The following PRKD1 variants were observed in gnomAD, a reference collection of about 807,000 sequenced individuals.
PRKD1 encodes protein kinase D1.
In PRKD1, 63 loss-of-function variants were observed where a neutral mutation model predicts 95.9. The ratio of observed to expected loss-of-function variants is 0.66; its 90% CI spans 0.54 to 0.81. PRKD1 has a LOEUF of 0.81. Among genes scored for constraint, PRKD1 ranks in the 30% least tolerant of loss-of-function variants. The pLI, the probability that PRKD1 is intolerant of heterozygous loss-of-function variation, is 0.00. For synonymous variants in PRKD1, 425 were observed against 423.1 expected (o/e 1.00, Z -0.05); for missense variants, 1,048 against 1,165.3 (o/e 0.90, Z 1.47).
At chr14:29,608,165 CT>C (rs1195582576) in intron 13 of PRKD1, among the ~76,000 whole-genome samples, 6 of 152,036 alleles carry the variant, frequency 3.9e-5, no homozygotes, top group African/African-American at 1.4e-4. Context: ...TCACACCTTG[CT>C]TTTTTTCTTT....
intron 1 of PRKD1, among the ~76,000 whole-genome samples, chr14:29,919,692 G>C (rs957841656): frequency 3.4e-5 from 5 of 145,736 alleles, no homozygotes; most frequent in Middle Eastern, 3.4e-3. Context: ...GCTGAGCGCA[G>C]TGGCTCATAC....
intron 13 of PRKD1, among the ~76,000 whole-genome samples, chr14:29,620,196 C>T (rs1335656838): frequency 2.3e-4 from 35 of 149,860 alleles, no homozygotes; most frequent in African/African-American, 6.8e-4. Flanking sequence ...AAGACTTAAA[C>T]GTTAGACCTA....
intron 1 of PRKD1, among the ~76,000 whole-genome samples, chr14:29,818,488 C>T (rs1475420395): frequency 6.6e-6 from 1 of 151,780 alleles, no homozygotes; most frequent in Admixed American, 6.6e-5. Context: ...TGTGCACTTT[C>T]CTCAAAATAA....
intron 4 of PRKD1, among the ~76,000 whole-genome samples, chr14:29,647,375 CA>C (rs1881192683): frequency 1.3e-5 from 2 of 152,090 alleles, no homozygotes; most frequent in Admixed American, 1.3e-4. Context: ...CAGAACTGTT[CA>C]AAAATTGTTG....
rs924940009 is a variant in PRKD1, at chr14:29,913,058, G to C, written c.264+14191C>G. Among the ~76,000 whole-genome samples, 4 of 152,346 alleles carry C rather than the reference G, an allele frequency of 2.6e-5. No homozygotes were observed. In the East Asian group the frequency reaches 7.7e-4, roughly 29 times the overall value. ...AACTACTTTATATATTACATTCAAAGTGAGACTAAGCAATTAGCTTACGAA... is the reference window on the plus strand; with the variant it reads ...AACTACTTTATATATTACATTCAAACTGAGACTAAGCAATTAGCTTACGAA... On this transcript the variant is annotated intron_variant, in intron 1 of 17. Coordinates refer to ENST00000331968, the MANE Select transcript of PRKD1 (RefSeq NM_002742.3).
chr14:29,744,645 C>G (rs1431154318), intron 1 of PRKD1, among the ~76,000 whole-genome samples: 1 of 152,152 alleles, frequency 6.6e-6, no homozygotes, highest in African/African-American at 2.4e-5. Flanking sequence ...CTCCCGGGTT[C>G]AAGTGATTAT....
Position 29,624,389 on chromosome 14 carries a change from C to G in PRKD1, c.1799-131G>C, listed in dbSNP as rs952769149. On this transcript the variant is annotated intron_variant, in intron 12 of 17. Transcript: ENST00000331968. ...TGAATAAATTAACATTTCTAAAGAG[C>G]ACTGACTTACATATATATATATAAA... is the stretch of plus-strand genomic sequence containing the variant. 7.9e-6 allele frequency: 4 copies of G among 505,354 alleles called. No individual in the cohort carries two copies. In the Admixed American group the frequency reaches 1.1e-4, roughly 14 times the overall value. The allele number at this position is 505,354 out of a possible 1,614,324, so 31.3% of individuals were successfully genotyped here.
chr14:29,738,148 CAAGTT>C (rs1886813683), intron 1 of PRKD1, among the ~76,000 whole-genome samples: 1 of 152,112 alleles, frequency 6.6e-6, no homozygotes, highest in Non-Finnish European at 1.5e-5. Context: ...GAAATTTCTT[CAAGTT>C]TGGGTACAGG....
At chr14:29,893,692 G>T (rs560231158) in intron 1 of PRKD1, among the ~76,000 whole-genome samples, 1 of 152,020 alleles carries the variant, frequency 6.6e-6, no homozygotes, top group African/African-American at 2.4e-5. Flanking sequence ...CCATAATATC[G>T]CTAGCCTTAT....
chr14:29,892,924 A>G (rs1181181241), intron 1 of PRKD1, among the ~76,000 whole-genome samples: 1 of 152,208 alleles, frequency 6.6e-6, no homozygotes, highest in African/African-American at 2.4e-5. Context: ...TGGAATTGAA[A>G]TACCATTAAA....
chr14:29,626,407 T>C, intron 12 of PRKD1, 77 bp downstream of exon 12: 3 of 1,181,668 alleles, frequency 2.5e-6, no homozygotes, highest in Non-Finnish European at 3.7e-6. Flanking sequence ...TTCTATGTTT[T>C]TCCTGTAAAT....
intron 9 of PRKD1, among the ~76,000 whole-genome samples, chr14:29,632,052 C>T (rs1209384996): frequency 1.3e-5 from 2 of 151,988 alleles, no homozygotes; most frequent in African/African-American, 4.8e-5. Context: ...CCACCTGCCT[C>T]GGCCTCCCAA....
intron 1 of PRKD1, among the ~76,000 whole-genome samples, chr14:29,916,667 T>C (rs1566670532): frequency 6.6e-6 from 1 of 152,156 alleles, no homozygotes; most frequent in Non-Finnish European, 1.5e-5. Flanking sequence ...ATTTCCATAT[T>C]AGAGACACAG....
At chr14:29,641,614 T>C (rs897793613) in intron 4 of PRKD1, among the ~76,000 whole-genome samples, 2 of 152,182 alleles carry the variant, frequency 1.3e-5, no homozygotes, top group Non-Finnish European at 2.9e-5. Context: ...CATTTGCATG[T>C]GCTTTCCCTA....
At chr14:29,740,055 A>C (rs149743228) in intron 1 of PRKD1, among the ~76,000 whole-genome samples, 1 of 152,316 alleles carries the variant, frequency 6.6e-6, no homozygotes, top group Admixed American at 6.5e-5. Flanking sequence ...TTGTTGTGTA[A>C]AAACATATTA....
chr14:29,604,011 A>C (rs2139026782), intron 13 of PRKD1, among the ~76,000 whole-genome samples: 1 of 152,292 alleles, frequency 6.6e-6, no homozygotes, highest in Non-Finnish European at 1.5e-5. Flanking sequence ...ATCAAGACAA[A>C]AACTCTCCTG....
At chr14:29,651,455 T>G (rs2139177271) in intron 4 of PRKD1, among the ~76,000 whole-genome samples, 1 of 152,350 alleles carries the variant, frequency 6.6e-6, no homozygotes, top group Middle Eastern at 3.4e-3. Flanking sequence ...GGAATTCATC[T>G]GATTAGATTA....
intron 1 of PRKD1, among the ~76,000 whole-genome samples, chr14:29,885,386 T>C (rs1419212210): frequency 6.6e-6 from 1 of 152,144 alleles, no homozygotes; most frequent in Non-Finnish European, 1.5e-5. Flanking sequence ...GCAATTCTTT[T>C]GACATTTACG....
intron 1 of PRKD1, among the ~76,000 whole-genome samples, chr14:29,820,273 C>G (rs1160937017): frequency 6.6e-6 from 1 of 152,110 alleles, no homozygotes; most frequent in Non-Finnish European, 1.5e-5. Flanking sequence ...AGGCTATGTG[C>G]TAGGAAAAGA....
Sources: allele counts gnomAD v4.1 joint callset (sites outside exome capture counted in the v4.1 genomes callset), GRCh38; gene constraint gnomAD v4.1.1; transcripts MANE v1.5; gene names NCBI Gene and HGNC (gene_info 2026-07-23, HGNC 2026-07-21).